PTPRN2: variants seen among roughly 807,000 people sequenced by gnomAD.
PTPRN2 encodes receptor-type tyrosine-protein phosphatase N2.
PTPRN2 carries 74 observed loss-of-function variants against 118.8 expected under a neutral mutation model. The ratio of observed to expected loss-of-function variants is 0.62; its 90% CI spans 0.52 to 0.76. The LOEUF is 0.76. PTPRN2 is among the 30% of genes least tolerant of loss of function. The pLI is 0.00. For synonymous variants in PTPRN2, 641 were observed against 608.0 expected, an observed-to-expected ratio of 1.05 and a Z score of -0.80; for missense variants, 1,481 against 1,394.4, an observed-to-expected ratio of 1.06 and a Z score of -0.99.
At chr7:158,124,223 C>G (rs1319284203) in intron 9 of PTPRN2, among the ~76,000 whole-genome samples, 1 of 152,246 alleles carries the variant, frequency 6.6e-6, no homozygotes, top group East Asian at 1.9e-4. Context: ...GAAGTGCCGC[C>G]AATGCCAACG....
rs560966427 is a variant in PTPRN2 at position 157,611,469 on chromosome 7, C to T, written c.2345-7394G>A. ...GGGGTTGCCGTGGCCAGGCAGCGCCCGCCCAGTCACTGAGCTGACTTGGAG... is the reference window on the plus strand; with the variant it reads ...GGGGTTGCCGTGGCCAGGCAGCGCCTGCCCAGTCACTGAGCTGACTTGGAG... On this transcript the variant is annotated intron_variant, in intron 15 of 22. Transcript: ENST00000389418. This position sits in a 1 kb window ranked among gnomAD's most constrained non-coding sequence, Gnocchi z 5.9. Among the ~76,000 whole-genome samples the T allele has an allele frequency of 5.9e-5, 9 of 152,258 alleles. No individual in the cohort carries two copies. Among genetic ancestry groups the T allele is most frequent in the African/African-American group, 1.4e-4 (6 of 41,566 alleles).
chr7:158,137,431 A>G (rs1818924319), intron 7 of PTPRN2, among the ~76,000 whole-genome samples: 1 of 151,674 alleles, frequency 6.6e-6, no homozygotes, highest in Non-Finnish European at 1.5e-5. Context: ...AATAAAATAA[A>G]ATAATAAATA....
At chr7:158,391,027 A>C (rs1404268707) in intron 2 of PTPRN2, among the ~76,000 whole-genome samples, 4 of 152,138 alleles carry the variant, frequency 2.6e-5, no homozygotes, top group Admixed American at 2.6e-4. Flanking sequence ...ACCACTTCCA[A>C]ATTCGAGGGG....
intron 5 of PTPRN2, among the ~76,000 whole-genome samples, chr7:158,176,919 G>C (rs1220799880): frequency 2.0e-5 from 3 of 152,246 alleles, no homozygotes; most frequent in Non-Finnish European, 4.4e-5. Context: ...TGGCTAAGCA[G>C]AGGGCTGTGA....
chr7:158,478,447 G>A (rs1670339), intron 2 of PTPRN2, among the ~76,000 whole-genome samples: 22,842 of 152,204 alleles, frequency 0.15, 1,818 homozygotes, highest in South Asian at 0.24. Context: ...TCAGCACGTC[G>A]GTAACGAATG....
At chr7:158,277,805 T>G (rs1188223034) in intron 3 of PTPRN2, among the ~76,000 whole-genome samples, 1 of 152,132 alleles carries the variant, frequency 6.6e-6, no homozygotes, top group African/African-American at 2.4e-5. Flanking sequence ...CTACAGAGGC[T>G]CCTCCTCCCA....
intron 2 of PTPRN2, among the ~76,000 whole-genome samples, chr7:158,451,677 C>T (rs1291792426): frequency 6.6e-6 from 1 of 152,170 alleles, no homozygotes; most frequent in Non-Finnish European, 1.5e-5. Flanking sequence ...AGAACGCTCG[C>T]GGTTTTTTCC....
chr7:157,623,375 G>T (rs986797464), intron 14 of PTPRN2, among the ~76,000 whole-genome samples: 2 of 152,190 alleles, frequency 1.3e-5, no homozygotes, highest in Non-Finnish European at 2.9e-5. Flanking sequence ...GTCGAAAATG[G>T]TTCCTGGCAA....
intron 2 of PTPRN2, among the ~76,000 whole-genome samples, chr7:158,404,781 C>G (rs1386040751): frequency 7.4e-6 from 1 of 135,912 alleles, no homozygotes; most frequent in Non-Finnish European, 1.6e-5. Context: ...CGGCCCCCAG[C>G]TCTCCGGCCT....
intron 11 of PTPRN2, among the ~76,000 whole-genome samples, chr7:157,959,958 A>G (rs1801416137): frequency 6.6e-6 from 1 of 152,210 alleles, no homozygotes; most frequent in African/African-American, 2.4e-5. Flanking sequence ...AAGAACAGAT[A>G]AAAAACATGT....
At chr7:157,901,422 G>C (rs539213441) in intron 11 of PTPRN2, among the ~76,000 whole-genome samples, 1 of 152,314 alleles carries the variant, frequency 6.6e-6, no homozygotes, top group Admixed American at 6.5e-5. Context: ...CAGGCGTGCG[G>C]GGAAGAGTTC....
At chr7:158,129,291 A>G (rs1255825854) in intron 9 of PTPRN2, among the ~76,000 whole-genome samples, 1 of 147,878 alleles carries the variant, frequency 6.8e-6, no homozygotes, top group East Asian at 2.0e-4. Flanking sequence ...CACAACACAT[A>G]AACCACACAG....
At chr7:158,433,997 G>A (rs941537855) in intron 2 of PTPRN2, among the ~76,000 whole-genome samples, 1 of 151,124 alleles carries the variant, frequency 6.6e-6, no homozygotes, top group Non-Finnish European at 1.5e-5. Flanking sequence ...ATTTTCTAGG[G>A]ATTTTTTTTT....
chr7:157,586,302 T>TC (rs1197299342), intron 17 of PTPRN2, among the ~76,000 whole-genome samples: 2 of 152,030 alleles, frequency 1.3e-5, no homozygotes, highest in Non-Finnish European at 2.9e-5. Flanking sequence ...TGAAGTCATT[T>TC]CCCCCCGCTA....
At chr7:158,523,341 G>A (rs562136534) in intron 1 of PTPRN2, among the ~76,000 whole-genome samples, 22 of 133,946 alleles carry the variant, frequency 1.6e-4, no homozygotes, top group South Asian at 5.1e-4. Context: ...TGCCGACAGC[G>A]AGTCTGCCCT....
At position 157,620,637 on chromosome 7, in the gene PTPRN2, C is replaced by T. The variant is rs557137010; in HGVS notation, c.2344+725G>A. Among the ~76,000 whole-genome samples, 18 of 152,292 alleles carry T rather than the reference C, an allele frequency of 1.2e-4. No individual in the cohort carries two copies. In the East Asian group the frequency reaches 1.5e-3, roughly 13 times the overall value. ...GTTCAGGAACATGTCTCAAGTCACT[C>T]GGTGACAGAGAACAATAGAGCTGAT... is the stretch of plus-strand genomic sequence containing the variant. On this transcript the variant is annotated intron_variant, in intron 15 of 22. Transcript: ENST00000389418.
intron 2 of PTPRN2, among the ~76,000 whole-genome samples, chr7:158,397,668 G>A (rs1205896999): frequency 1.3e-5 from 2 of 152,130 alleles, no homozygotes; most frequent in Non-Finnish European, 2.9e-5. Context: ...CAGTCACTCT[G>A]TGCCTCCACT....
intron 11 of PTPRN2, among the ~76,000 whole-genome samples, chr7:157,949,264 T>C (rs1421614178): frequency 6.6e-6 from 1 of 152,246 alleles, no homozygotes; most frequent in African/African-American, 2.4e-5. Flanking sequence ...TACATACAGG[T>C]GGCAGTTGCA....
At chr7:157,594,363 G>A (rs190431382) in intron 17 of PTPRN2, among the ~76,000 whole-genome samples, 25 of 152,096 alleles carry the variant, frequency 1.6e-4, no homozygotes, top group African/African-American at 9.7e-5. Context: ...CTGCACAGGC[G>A]CCCGGGCTGT....
Sources: allele counts gnomAD v4.1 joint callset (sites outside exome capture counted in the v4.1 genomes callset), GRCh38; gene constraint gnomAD v4.1.1; non-coding constraint Gnocchi (gnomAD v3.1); transcripts MANE v1.5; gene names NCBI Gene and HGNC (gene_info 2026-07-23, HGNC 2026-07-21).